Variants in DCC observed in about 807,000 individuals in gnomAD.
DCC encodes netrin receptor DCC.
A neutral mutation model predicts 172.5 loss-of-function variants in DCC; 58 were observed. The ratio of observed to expected loss-of-function variants is 0.34; its 90% CI spans 0.27 to 0.42. DCC has a LOEUF of 0.42. Ranked by LOEUF, DCC falls within the 10% of genes least tolerant of loss-of-function variation. DCC has a pLI of 1.00. For missense variants in DCC, 1,740 were observed against 1,791.0 expected, an observed-to-expected ratio of 0.97 and a Z score of 0.51; for synonymous variants, 709 against 644.5, an observed-to-expected ratio of 1.10 and a Z score of -1.52.
chr18:53,086,964 G>C (rs1281987869), intron 7 of DCC, among the ~76,000 whole-genome samples: 1 of 151,726 alleles, frequency 6.6e-6, no homozygotes, highest in South Asian at 2.1e-4. Context: ...GTATTCCATG[G>C]TGTATATGTG....
chr18:53,046,075 TAACTA>T (rs1049785347), intron 5 of DCC, among the ~76,000 whole-genome samples: 4 of 151,958 alleles, frequency 2.6e-5, no homozygotes, highest in Non-Finnish European at 4.4e-5. Context: ...TTCAGGTAGA[TAACTA>T]AACACTCTTT....
At chr18:52,515,265 A>G (rs2031587606) in intron 1 of DCC, among the ~76,000 whole-genome samples, 1 of 152,154 alleles carries the variant, frequency 6.6e-6, no homozygotes. Context: ...GAAATAAAAA[A>G]TGAACCTCCA....
chr18:52,672,531 T>G (rs1442927103), intron 1 of DCC, among the ~76,000 whole-genome samples: 1 of 151,424 alleles, frequency 6.6e-6, no homozygotes, highest in African/African-American at 2.4e-5. Context: ...CCTTCTCCCT[T>G]CCTTTCTTTC....
intron 1 of DCC, among the ~76,000 whole-genome samples, chr18:52,709,389 G>A (rs941536728): frequency 6.6e-6 from 1 of 152,152 alleles, no homozygotes; most frequent in African/African-American, 2.4e-5. Flanking sequence ...GAACACATTA[G>A]GATAATAGAG....
rs529634914 is a variant in DCC at position 52,961,297 on chromosome 18, TATAAA to T, written c.985+35934_985+35938del. ...CCTAAAACTTAAAGTATAATAAAAA[TATAAA>T]ATAAAAATAAAATGCATAGGACATT... On this transcript the variant is annotated intron_variant, in intron 5 of 28. Transcript: ENST00000442544. Among the ~76,000 whole-genome samples the T allele has an allele frequency of 5.3e-3, 806 of 152,104 alleles. 11 individuals carry two copies. Among genetic ancestry groups the T allele is most frequent in the African/African-American group, 0.018 (762 of 41,518 alleles).
At chr18:52,688,343 C>G (rs1815675094) in intron 1 of DCC, among the ~76,000 whole-genome samples, 1 of 152,030 alleles carries the variant, frequency 6.6e-6, no homozygotes, top group African/African-American at 2.4e-5. Flanking sequence ...ATTTTATAGA[C>G]AAGAATATGG....
At chr18:52,812,895 C>T (rs1277666592) in intron 2 of DCC, among the ~76,000 whole-genome samples, 1 of 152,096 alleles carries the variant, frequency 6.6e-6, no homozygotes, top group Non-Finnish European at 1.5e-5. Context: ...TAAAGATAGG[C>T]CAGAATTCTG....
At chr18:53,098,704 C>T (rs2043121421) in intron 7 of DCC, among the ~76,000 whole-genome samples, 2 of 151,990 alleles carry the variant, frequency 1.3e-5, no homozygotes, top group Non-Finnish European at 2.9e-5. Flanking sequence ...GTTACTTTGC[C>T]CCCCTTTATA....
chr18:52,481,462 C>T (rs2029957170), intron 1 of DCC, among the ~76,000 whole-genome samples: 1 of 152,128 alleles, frequency 6.6e-6, no homozygotes, highest in Non-Finnish European at 1.5e-5. Context: ...TGCTGTACTA[C>T]CCGCCACCCC....
intron 2 of DCC, among the ~76,000 whole-genome samples, chr18:52,825,305 G>A (rs2038490270): frequency 6.6e-6 from 1 of 151,880 alleles, no homozygotes; most frequent in Non-Finnish European, 1.5e-5. Flanking sequence ...AACTAATAAG[G>A]TACTTATAAA....
intron 2 of DCC, among the ~76,000 whole-genome samples, chr18:52,802,229 G>A (rs2038002477): frequency 6.6e-6 from 1 of 152,058 alleles, no homozygotes; most frequent in African/African-American, 2.4e-5. Flanking sequence ...GCAGTAGGTT[G>A]GAGAAAGTTA....
At chr18:52,733,313 G>A (rs983495974) in intron 1 of DCC, among the ~76,000 whole-genome samples, 22 of 152,048 alleles carry the variant, frequency 1.4e-4, no homozygotes, top group African/African-American at 1.9e-4. Context: ...TCATAGTCAC[G>A]TTGCAAATTG....
Position 52,834,532 on chromosome 18 carries a change from TGCATGGTGA to T in DCC, c.413-71509_413-71501del, listed in dbSNP as rs138508072. On this transcript the variant is annotated intron_variant, in intron 2 of 28. Coordinates refer to ENST00000442544, the MANE Select transcript of DCC (RefSeq NM_005215.4). The stretch of plus-strand genomic sequence containing the variant: ...CCGAACTTTTTGTGTGCCTAAGGAT[TGCATGGTGA>T]GCTCGTCTGGGGTGTTACTGAACAT... 4.5e-3 allele frequency among the ~76,000 whole-genome samples: 691 copies of T among 152,282 alleles called. 34 individuals are homozygous for T. In the East Asian group the frequency reaches 0.12, roughly 27 times the overall value.
chr18:52,953,023 A>AAAAAAAAAAAAAAAAAAC lies in DCC; in HGVS notation c.985+27658_985+27659insAAAAAAAAAAAACAAAAA, dbSNP rs1410549172. On this transcript the variant is annotated intron_variant, in intron 5 of 28. Coordinates refer to ENST00000442544, the MANE Select transcript of DCC (RefSeq NM_005215.4). Reference sequence around the variant, plus strand: ...CTCAAAAAAAAAAAAAAAAAAAAAAAAAAAACTCATAACATTGCCTTTAAT... The same window carrying AAAAAAAAAAAAAAAAAAC: ...CTCAAAAAAAAAAAAAAAAAAAAAAAAAAAAAAAAAAAAAAAACAAAAACTCATAACATTGCCTTTAAT... 3.3e-5 allele frequency among the ~76,000 whole-genome samples: 5 copies of AAAAAAAAAAAAAAAAAAC among 149,258 alleles called. 2 individuals carry two copies. In the Admixed American group the frequency reaches 3.5e-4, roughly 10 times the overall value.
At chr18:52,649,570 C>G (rs894356824) in intron 1 of DCC, among the ~76,000 whole-genome samples, 4 of 152,034 alleles carry the variant, frequency 2.6e-5, no homozygotes, top group Non-Finnish European at 5.9e-5. Flanking sequence ...TACCCACCCC[C>G]TCTCACCCTC....
chr18:52,536,475 C>A (rs1399850104), intron 1 of DCC, among the ~76,000 whole-genome samples: 1 of 152,054 alleles, frequency 6.6e-6, no homozygotes, highest in African/African-American at 2.4e-5. Flanking sequence ...GAAAAATTAC[C>A]AAACTGGGAG....
At chr18:52,662,150 C>T (rs11082933) in intron 1 of DCC, among the ~76,000 whole-genome samples, 1 of 152,084 alleles carries the variant, frequency 6.6e-6, no homozygotes, top group African/African-American at 2.4e-5. Context: ...TTGCAAGGCC[C>T]CACACCTAGA....
intron 12 of DCC, among the ~76,000 whole-genome samples, chr18:53,256,483 T>G (rs1299051639): frequency 6.6e-6 from 1 of 151,912 alleles, no homozygotes; most frequent in East Asian, 1.9e-4. Flanking sequence ...CTTTCCTGAT[T>G]TCTTGTTTTT....
chr18:53,294,754 G>A (rs2144757078), intron 12 of DCC, among the ~76,000 whole-genome samples: 1 of 152,280 alleles, frequency 6.6e-6, no homozygotes, highest in Non-Finnish European at 1.5e-5. Context: ...TGAACAATCT[G>A]AGAAATTGTC....
Sources: allele counts gnomAD v4.1 joint callset (sites outside exome capture counted in the v4.1 genomes callset), GRCh38; gene constraint gnomAD v4.1.1; transcripts MANE v1.5; gene names NCBI Gene and HGNC (gene_info 2026-07-23, HGNC 2026-07-21).